Variants in CADPS2 observed in about 807,000 individuals in gnomAD.
The protein encoded by CADPS2 is calcium-dependent secretion activator 2.
In CADPS2, 93 loss-of-function variants were observed where a neutral mutation model predicts 172.5. That is an observed-to-expected ratio of 0.54 (90% confidence interval 0.46 to 0.64). CADPS2 has a LOEUF of 0.64. Among genes scored for constraint, CADPS2 ranks in the 30% least tolerant of loss-of-function variants. The pLI is 0.00. For synonymous variants in CADPS2, 546 were observed against 555.2 expected, an observed-to-expected ratio of 0.98 and a Z score of 0.23; for missense variants, 1,420 against 1,565.9, an observed-to-expected ratio of 0.91 and a Z score of 1.57.
At chr7:122,371,279 A>C (rs1277969911) in intron 25 of CADPS2, among the ~76,000 whole-genome samples, 1 of 152,196 alleles carries the variant, frequency 6.6e-6, no homozygotes, top group Non-Finnish European at 1.5e-5. Flanking sequence ...AGAAACACCC[A>C]AGACTCGGTA....
chr7:122,690,726 A>G (rs4727945), intron 2 of CADPS2, among the ~76,000 whole-genome samples: 4 of 152,088 alleles, frequency 2.6e-5, no homozygotes, highest in Non-Finnish European at 1.5e-5. Context: ...AACAAGGTTA[A>G]GCCTCAATAA....
At chr7:122,707,874 C>T (rs2087851547) in intron 2 of CADPS2, among the ~76,000 whole-genome samples, 1 of 151,484 alleles carries the variant, frequency 6.6e-6, no homozygotes, top group South Asian at 2.1e-4. Context: ...AAAAAAACTT[C>T]ATAGTTTCAT....
chr7:122,344,141 C>T (rs945689671), intron 28 of CADPS2, among the ~76,000 whole-genome samples: 11 of 152,180 alleles, frequency 7.2e-5, no homozygotes, highest in Non-Finnish European at 1.2e-4. Context: ...GTAGCAGGAC[C>T]TTCTGCAACT....
intron 1 of CADPS2, among the ~76,000 whole-genome samples, chr7:122,837,978 A>G (rs1447085283): frequency 2.6e-5 from 4 of 152,202 alleles, no homozygotes; most frequent in Admixed American, 6.5e-5. Flanking sequence ...CACAACAAAA[A>G]AAGAGAATTT....
chr7:122,371,464 T>G (rs1281575064), intron 25 of CADPS2, among the ~76,000 whole-genome samples: 2 of 152,118 alleles, frequency 1.3e-5, no homozygotes, highest in Non-Finnish European at 2.9e-5. Context: ...CCATCAGATC[T>G]TGTGAGACTC....
At chr7:122,616,801 G>T (rs530078976) in intron 5 of CADPS2, among the ~76,000 whole-genome samples, 27 of 152,154 alleles carry the variant, frequency 1.8e-4, no homozygotes, top group African/African-American at 6.0e-4. Context: ...TAATGACTCA[G>T]ATTTTTTGTT....
chr7:122,515,071 T>C (rs1364069176), intron 8 of CADPS2, among the ~76,000 whole-genome samples: 1 of 152,082 alleles, frequency 6.6e-6, no homozygotes, highest in Non-Finnish European at 1.5e-5. Context: ...AAAGTCAAAA[T>C]AAAAACAAAG....
intron 1 of CADPS2, among the ~76,000 whole-genome samples, chr7:122,831,604 A>T (rs1806580667): frequency 6.6e-6 from 1 of 152,222 alleles, no homozygotes; most frequent in African/African-American, 2.4e-5. Context: ...CTGCCAATAG[A>T]ATTTCAACCG....
chr7:122,762,807 T>C (rs1186991677), intron 1 of CADPS2, among the ~76,000 whole-genome samples: 1 of 152,026 alleles, frequency 6.6e-6, no homozygotes, highest in Non-Finnish European at 1.5e-5. Context: ...AATGGCACAT[T>C]TGCTAAGTGT....
intron 1 of CADPS2, among the ~76,000 whole-genome samples, chr7:122,808,520 G>T (rs189843028): frequency 2.0e-4 from 31 of 152,276 alleles, no homozygotes; most frequent in African/African-American, 7.0e-4. Context: ...CACTTGCTTG[G>T]TCTAAGACAG....
chr7:122,337,158 A>T (rs530069277), intron 28 of CADPS2, among the ~76,000 whole-genome samples: 35 of 152,304 alleles, frequency 2.3e-4, no homozygotes, highest in Non-Finnish European at 3.5e-4. Flanking sequence ...GACTGACAAT[A>T]AGGCAAAATT....
chr7:122,368,154 C>T (rs1287404788), intron 25 of CADPS2: 1 of 152,334 alleles, frequency 6.6e-6, no homozygotes, highest in Non-Finnish European at 1.5e-5. Context: ...ACTGGGATTA[C>T]AAGTGTGAGC....
At chr7:122,657,290 A>G (rs541959295) in intron 3 of CADPS2, among the ~76,000 whole-genome samples, 3 of 152,254 alleles carry the variant, frequency 2.0e-5, no homozygotes, top group Admixed American at 1.3e-4. Context: ...TTGGCAATGC[A>G]GGCTCTTTTT....
intron 25 of CADPS2, among the ~76,000 whole-genome samples, chr7:122,367,201 A>G (rs1484596133): frequency 6.6e-6 from 1 of 152,220 alleles, no homozygotes; most frequent in Non-Finnish European, 1.5e-5. Flanking sequence ...CTTTAATTAC[A>G]TAATCTAGGC....
intron 1 of CADPS2, among the ~76,000 whole-genome samples, chr7:122,769,612 A>G (rs2093653038): frequency 6.6e-6 from 1 of 152,240 alleles, no homozygotes; most frequent in Admixed American, 6.5e-5. Flanking sequence ...CATTTGCTAA[A>G]AGCCATTTTC....
chr7:122,758,751 T>C (rs1467804092), intron 1 of CADPS2, among the ~76,000 whole-genome samples: 1 of 152,146 alleles, frequency 6.6e-6, no homozygotes, highest in Non-Finnish European at 1.5e-5. Flanking sequence ...TAGAAAGTAC[T>C]GGGTTCATTC....
intron 8 of CADPS2, 71 bp from the exon 9 acceptor site, chr7:122,513,386 T>C: frequency 8.1e-7 from 1 of 1,233,500 alleles, no homozygotes; most frequent in Non-Finnish European, 1.1e-6. Context: ...ATCACATTTC[T>C]TCCATAGGTA....
chr7:122,801,063 CT>C (rs1370879397), intron 1 of CADPS2, among the ~76,000 whole-genome samples: 116 of 139,946 alleles, frequency 8.3e-4, no homozygotes, highest in African/African-American at 3.2e-3. Context: ...ACTATTTGGG[CT>C]AAAGAGAAAA....
At chr7:122,498,115 T>G (rs1010797047) in intron 9 of CADPS2, among the ~76,000 whole-genome samples, 1 of 152,076 alleles carries the variant, frequency 6.6e-6, no homozygotes, top group Admixed American at 6.6e-5. Flanking sequence ...GCCTGGCTAA[T>G]TTTTGTATTT....
Sources: allele counts gnomAD v4.1 joint callset (sites outside exome capture counted in the v4.1 genomes callset), GRCh38; gene constraint gnomAD v4.1.1; transcripts MANE v1.5; gene names NCBI Gene and HGNC (gene_info 2026-07-23, HGNC 2026-07-21).